The following MYOZ2 variants were observed in gnomAD, a reference collection of about 807,000 sequenced individuals.
MYOZ2 encodes the protein myozenin 2.
In MYOZ2, 19 loss-of-function variants were observed where a neutral mutation model predicts 25.4. The ratio of observed to expected loss-of-function variants is 0.75; its 90% CI spans 0.52 to 1.10. The LOEUF (loss-of-function observed/expected upper bound fraction) is 1.10. MYOZ2 is among the 50% of genes least tolerant of loss of function. The probability of loss-of-function intolerance (pLI) is 0.00; values close to 1 mark genes in which losing one functional copy is unlikely to be tolerated. For synonymous variants in MYOZ2, 92 were observed against 106.9 expected (o/e 0.86, Z 0.86); for missense variants, 270 against 317.9 (o/e 0.85, Z 1.15).
chr4:119,176,729 A>C (rs1742080407), intron 5 of MYOZ2, among the ~76,000 whole-genome samples: 1 of 152,242 alleles, frequency 6.6e-6, no homozygotes, highest in Non-Finnish European at 1.5e-5. Context: ...AAGAACTTAC[A>C]TTATCATTCA....
At chr4:119,159,356 T>C (rs899807120) in intron 4 of MYOZ2, among the ~76,000 whole-genome samples, 1 of 152,178 alleles carries the variant, frequency 6.6e-6, no homozygotes, top group African/African-American at 2.4e-5. Flanking sequence ...TTATGGAGAT[T>C]GTTTTTGTTT....
At chr4:119,153,272 T>C (rs1344153997) in intron 3 of MYOZ2, among the ~76,000 whole-genome samples, 1 of 152,170 alleles carries the variant, frequency 6.6e-6, no homozygotes, top group African/African-American at 2.4e-5. Flanking sequence ...AGATTGCAAC[T>C]TGAAAGGTTA....
At position 119,164,404 on chromosome 4, in the gene MYOZ2, T is replaced by C. The variant is rs761810763; in HGVS notation, c.560+10T>C. ...ACAGGAGCTTTAACAGGTAATTCAA[T>C]GGTCCTGGGTGACACTGTTGGCATG... On this transcript the variant is annotated intron_variant, in intron 5 of 5. Coordinates refer to ENST00000307128, the MANE Select transcript of MYOZ2 (RefSeq NM_016599.5). 32 of 1,613,798 alleles carry C rather than the reference T, an allele frequency of 2.0e-5. No homozygotes were observed. Among genetic ancestry groups the C allele is most frequent in the South Asian group, 6.6e-5 (6 of 91,062 alleles).
rs770347077 is a variant in MYOZ2 at position 119,186,153 on chromosome 4, A to C, written c.748A>C (p.Thr250Pro). 9 of 1,613,974 alleles carry C rather than the reference A, an allele frequency of 5.6e-6. No homozygotes were observed. The highest frequency in any genetic ancestry group is 5.9e-6 in the Non-Finnish European group (7 of 1,179,910). ...TGAGAATATTCCTATAGTGATAACA[A>C]CCGAACCTACAGATGATACCACTGT... ...ISENIPIVIT[T>P]EPTDDTTVPE... The change falls in exon 6 of 6, where the codon ACC (threonine) becomes CCC (proline). Residue 250 changes from threonine (T) to proline (P), a missense_variant. Coordinates refer to ENST00000307128, the MANE Select transcript of MYOZ2 (RefSeq NM_016599.5).
chr4:119,170,917 G>A (rs1467533189), intron 5 of MYOZ2, among the ~76,000 whole-genome samples: 5 of 152,150 alleles, frequency 3.3e-5, no homozygotes, highest in South Asian at 4.1e-4. Flanking sequence ...ATCTTAAAGC[G>A]AAGGAATAAT....
chr4:119,158,460 G>A (rs1019077949), intron 4 of MYOZ2, among the ~76,000 whole-genome samples: 8 of 152,032 alleles, frequency 5.3e-5, no homozygotes, highest in Non-Finnish European at 1.2e-4. Context: ...GGGGGCTGGG[G>A]TAGGAGGATC....
At chr4:119,177,451 A>G (rs1485047655) in intron 5 of MYOZ2, among the ~76,000 whole-genome samples, 2 of 152,146 alleles carry the variant, frequency 1.3e-5, no homozygotes, top group African/African-American at 4.8e-5. Flanking sequence ...TTCTAGGACA[A>G]TTCAAATTTT....
intron 5 of MYOZ2, among the ~76,000 whole-genome samples, chr4:119,168,773 GA>G (rs1741887544): frequency 6.6e-6 from 1 of 152,186 alleles, no homozygotes; most frequent in African/African-American, 2.4e-5. Context: ...GTGGTTTCTT[GA>G]GATGGTATCT....
intron 3 of MYOZ2, among the ~76,000 whole-genome samples, chr4:119,151,821 A>T (rs1350600776): frequency 2.0e-5 from 3 of 152,130 alleles, no homozygotes; most frequent in African/African-American, 7.2e-5. Flanking sequence ...TGTTTTATTT[A>T]CTGAGAGTTT....
chr4:119,180,003 T>C (rs1287959026), intron 5 of MYOZ2, among the ~76,000 whole-genome samples: 1 of 152,220 alleles, frequency 6.6e-6, no homozygotes, highest in Non-Finnish European at 1.5e-5. Flanking sequence ...ATTCAGATCA[T>C]AGCAAAATCT....
intron 4 of MYOZ2, among the ~76,000 whole-genome samples, chr4:119,163,056 G>A (rs1242025345): frequency 6.6e-6 from 1 of 152,106 alleles, no homozygotes; most frequent in Non-Finnish European, 1.5e-5. Flanking sequence ...AATTTTCTAG[G>A]TAGAGTGCAT....
At chr4:119,169,873 C>G (rs893152585) in intron 5 of MYOZ2, among the ~76,000 whole-genome samples, 2 of 152,214 alleles carry the variant, frequency 1.3e-5, no homozygotes, top group Non-Finnish European at 1.5e-5. Flanking sequence ...TAAAGGCTAT[C>G]TCCCCTAAAT....
Position 119,185,967 on chromosome 4 carries a change from G to T in MYOZ2, c.562G>T (p.Val188Phe). The T allele has an allele frequency of 6.2e-7, 1 of 1,611,886 alleles. No homozygotes were observed. Among genetic ancestry groups the T allele is most frequent in the South Asian group, 1.1e-5 (1 of 91,000 alleles). The change falls in exon 6 of 6, where the codon GTT becomes TTT. Residue 188 changes from valine to phenylalanine, a missense_variant and splice_region_variant. By Grantham distance (50) the Val-to-Phe change is conservative. Coordinates refer to ENST00000307128, the MANE Select transcript of MYOZ2 (RefSeq NM_016599.5). Reference sequence around the variant, plus strand: ...TGTTTTTTTTTTAATTTCCCACAGGGTTGCCACACCATTTGGAGGTTTTGA... The same window carrying T: ...TGTTTTTTTTTTAATTTCCCACAGGTTTGCCACACCATTTGGAGGTTTTGA... ...ELPDYRSFNR[V>F]ATPFGGFEKA...
At position 119,186,164 on chromosome 4, in the gene MYOZ2, A is replaced by T; in HGVS notation, c.759A>T (p.Thr253=). 1 of 1,613,708 alleles carries T rather than the reference A, an allele frequency of 6.2e-7. No individual in the cohort carries two copies. Residue 253 remains threonine (T), a synonymous_variant, in exon 6 of 6, where the codon ACA becomes ACT. Coordinates refer to ENST00000307128, the MANE Select transcript of MYOZ2 (RefSeq NM_016599.5). ...NIPIVITTEP[T]DDTTVPESED... The stretch of plus-strand genomic sequence containing the variant: ...CTATAGTGATAACAACCGAACCTAC[A>T]GATGATACCACTGTACCAGAATCAG...
chr4:119,159,515 A>G lies in MYOZ2; in HGVS notation c.376+1364A>G, dbSNP rs11931397. Among the ~76,000 whole-genome samples the G allele has an allele frequency of 8.1e-3, 1,239 of 152,302 alleles. 15 individuals carry two copies. Among genetic ancestry groups the G allele is most frequent in the African/African-American group, 0.029 (1,201 of 41,566 alleles). On this transcript the variant is annotated intron_variant, in intron 4 of 5. Transcript: ENST00000307128. ...AAAATAGGACATCTTTCAAAAAATT[A>G]CATTATCTAATTAGACAACTTTTCA...
intron 5 of MYOZ2, among the ~76,000 whole-genome samples, chr4:119,176,993 G>A (rs142493176): frequency 3.3e-5 from 5 of 152,270 alleles, no homozygotes; most frequent in South Asian, 4.2e-4. Flanking sequence ...ACTGGGAGGC[G>A]GAGGTTGCAG....
chr4:119,154,972 C>T (rs930035629), intron 3 of MYOZ2, among the ~76,000 whole-genome samples: 1 of 151,846 alleles, frequency 6.6e-6, no homozygotes, highest in Non-Finnish European at 1.5e-5. Context: ...GTTTATTTGA[C>T]TCATGGTTCT....
chr4:119,182,284 G>A (rs1742198945), intron 5 of MYOZ2, among the ~76,000 whole-genome samples: 1 of 152,314 alleles, frequency 6.6e-6, no homozygotes, highest in South Asian at 2.1e-4. Flanking sequence ...AATGCCTGAT[G>A]CTTGAAGTAT....
intron 2 of MYOZ2, among the ~76,000 whole-genome samples, chr4:119,144,125 A>G (rs921612965): frequency 6.6e-6 from 1 of 152,096 alleles, no homozygotes; most frequent in African/African-American, 2.4e-5. Context: ...TCTAGGCCCC[A>G]TCTCTCCTTA....
Sources: gnomAD v4.1 joint callset for allele counts (sites outside exome capture counted in the v4.1 genomes callset) on GRCh38, gnomAD v4.1.1 for gene constraint, MANE v1.5 for transcripts, NCBI Gene and HGNC (gene_info 2026-07-23, HGNC 2026-07-21) for gene names.